The following ABL2 variants were observed in gnomAD, a reference collection of about 807,000 sequenced individuals.
The protein encoded by ABL2 is ABL proto-oncogene 2, non-receptor tyrosine kinase.
Under a neutral mutation model 107.7 loss-of-function variants are expected in ABL2, and 49 were observed. The observed-to-expected ratio is 0.45, with a 90% CI of 0.36 to 0.58. The LOEUF is 0.58. ABL2 is among the 20% of genes least tolerant of loss of function. The pLI is 0.00. For missense variants in ABL2, 1,245 were observed against 1,457.0 expected, an observed-to-expected ratio of 0.85 and a Z score of 2.37; for synonymous variants, 549 against 548.6, an observed-to-expected ratio of 1.00 and a Z score of -0.01.
At chr1:179,111,624 A>T (rs899434626) in intron 10 of ABL2, among the ~76,000 whole-genome samples, 3 of 152,046 alleles carry the variant, frequency 2.0e-5, no homozygotes, top group Non-Finnish European at 4.4e-5. Context: ...TAGGCTGTGG[A>T]TTGGTATCTC....
chr1:179,213,220 AT>A (rs1662384393), intron 1 of ABL2, among the ~76,000 whole-genome samples: 1 of 151,878 alleles, frequency 6.6e-6, no homozygotes, highest in East Asian at 1.9e-4. Context: ...CTTTATATTC[AT>A]TTTTTCCATA....
In ABL2 at chr1:179,121,667, G is replaced by A. The variant is rs201235188; in HGVS notation, c.888C>T (p.Gly296=). ...CAACGTAAACCTCTCCATACTGACC[G>A]CCCCCAAGTTTGTGCTTCATGGTAA... ...TDITMKHKLG[G]GQYGEVYVGV... Residue 296 remains glycine, a synonymous_variant, in exon 5 of 12, where the codon GGC becomes GGT. Transcript: ENST00000502732. The A allele has an allele frequency of 5.0e-5, 81 of 1,613,984 alleles. No individual in the cohort carries two copies. The highest frequency in any genetic ancestry group is 6.7e-5 in the African/African-American group (5 of 74,900).
chr1:179,148,685 T>C (rs1382283454), intron 1 of ABL2, among the ~76,000 whole-genome samples: 3 of 151,992 alleles, frequency 2.0e-5, no homozygotes, highest in Admixed American at 6.6e-5. Context: ...ACAGATCACA[T>C]GGTCAGGAGT....
chr1:179,211,315 C>G (rs1250999156), intron 1 of ABL2, among the ~76,000 whole-genome samples: 1 of 151,956 alleles, frequency 6.6e-6, no homozygotes, highest in Non-Finnish European at 1.5e-5. Flanking sequence ...GCCCAGGAGT[C>G]TGAAATCTGC....
intron 1 of ABL2, among the ~76,000 whole-genome samples, chr1:179,151,494 T>C (rs1179909375): frequency 6.6e-6 from 1 of 152,218 alleles, no homozygotes; most frequent in Admixed American, 6.5e-5. Flanking sequence ...TTTATGTCTT[T>C]TTTTCTCAAG....
chr1:179,122,196 G>T (rs911128268), intron 4 of ABL2, among the ~76,000 whole-genome samples: 6 of 149,456 alleles, frequency 4.0e-5, no homozygotes, highest in African/African-American at 1.2e-4. Flanking sequence ...TTACAAGCAT[G>T]AGCCACCGCT....
chr1:179,195,967 T>C (rs904018546), intron 1 of ABL2, among the ~76,000 whole-genome samples: 1 of 152,190 alleles, frequency 6.6e-6, no homozygotes, highest in African/African-American at 2.4e-5. Flanking sequence ...ATGGTGGTCA[T>C]GTATGGTTAT....
At chr1:179,189,597 G>T (rs1217830619) in intron 1 of ABL2, among the ~76,000 whole-genome samples, 1 of 152,054 alleles carries the variant, frequency 6.6e-6, no homozygotes, top group African/African-American at 2.4e-5. Flanking sequence ...ATTCATAAAG[G>T]GTGACACAGC....
intron 2 of ABL2, among the ~76,000 whole-genome samples, chr1:179,132,958 A>G (rs1557939028): frequency 6.6e-6 from 1 of 151,632 alleles, no homozygotes; most frequent in Non-Finnish European, 1.5e-5. Context: ...TCCTAGGTTC[A>G]AGCAATTCTA....
In ABL2 at chr1:179,106,872, AC is replaced by A; in HGVS notation, c.*845del. On this transcript the variant is annotated 3_prime_UTR_variant, in exon 12 of 12. Coordinates refer to ENST00000502732, the MANE Select transcript of ABL2 (RefSeq NM_007314.4). ...AACACTGGTTAATGCTCTGAATGCT[AC>A]CAGGAATAAAGGAAGACAGCCTGCC... is the stretch of plus-strand genomic sequence containing the variant. 1 of 231,052 alleles carries A rather than the reference AC, an allele frequency of 4.3e-6. No homozygotes were observed. Among genetic ancestry groups the A allele is most frequent in the Non-Finnish European group, 8.6e-6 (1 of 116,700 alleles). The allele number at this position is 231,052 out of a possible 1,614,324, so 14.3% of individuals were successfully genotyped here.
chr1:179,197,414 G>A (rs927250526), intron 1 of ABL2, among the ~76,000 whole-genome samples: 3 of 152,030 alleles, frequency 2.0e-5, no homozygotes, highest in Non-Finnish European at 4.4e-5. Context: ...CTTCAAGGCT[G>A]TACAACTAAA....
At chr1:179,174,904 AAAAATAAAAT>A (rs1220621477) in intron 1 of ABL2, among the ~76,000 whole-genome samples, 27 of 132,084 alleles carry the variant, frequency 2.0e-4, no homozygotes, top group South Asian at 7.6e-4. Context: ...TCAAAAAAAA[AAAAATAAAAT>A]AAAAAAAATA....
At chr1:179,229,176 CACCCCGCCCCG>C in intron 1 of ABL2, 54 bp downstream of exon 1, 6 of 332,048 alleles carry the variant, frequency 1.8e-5, no homozygotes, top group Non-Finnish European at 3.0e-5. Context: ...GTCCGCCACC[CACCCCGCCCCG>C]ACCCCACCCC....
chr1:179,165,617 A>G (rs1557968317), intron 1 of ABL2, among the ~76,000 whole-genome samples: 3 of 152,152 alleles, frequency 2.0e-5, no homozygotes, highest in Non-Finnish European at 4.4e-5. Context: ...AGCCATTAAC[A>G]TAACAGTAAC....
Position 179,108,280 on chromosome 1 carries a change from G to A in ABL2, c.2987C>T (p.Pro996Leu), listed in dbSNP as rs28913890. The change falls in exon 12 of 12, where the codon CCG becomes CTG. Residue 996 changes from proline (P) to leucine (L), a missense_variant. By Grantham distance (98) the Pro-to-Leu change is moderately conservative. Transcript: ENST00000502732. ...TTCTGTAGGGTCTGAGCAGATGGAC[G>A]GATGCTGCAGTAGTCTCATCACTGG... is the stretch of plus-strand genomic sequence containing the variant. The part of the protein sequence containing the change: ...PPPVMRLLQH[P>L]SICSDPTEEP... 1.1e-5 allele frequency: 17 copies of A among 1,614,006 alleles called. No homozygotes were observed. Among genetic ancestry groups the A allele is most frequent in the South Asian group, 5.5e-5 (5 of 91,078 alleles).
At chr1:179,138,023 C>T (rs1248576281) in intron 1 of ABL2, 1 of 152,298 alleles carries the variant, frequency 6.6e-6, no homozygotes, top group Non-Finnish European at 1.5e-5. Context: ...ACAGCCCAAG[C>T]TCTCAGGATG....
intron 1 of ABL2, among the ~76,000 whole-genome samples, chr1:179,199,231 G>C (rs1661512943): frequency 6.6e-6 from 1 of 152,116 alleles, no homozygotes; most frequent in African/African-American, 2.4e-5. Flanking sequence ...CTAACACACA[G>C]GTGTCAATAA....
intron 11 of ABL2, among the ~76,000 whole-genome samples, chr1:179,110,056 G>C (rs962721914): frequency 6.6e-6 from 1 of 152,176 alleles, no homozygotes; most frequent in South Asian, 2.1e-4. Flanking sequence ...AGTTTTTGAT[G>C]GAACTGTAAA....
Position 179,222,330 on chromosome 1 carries a change from A to G in ABL2, c.157+6911T>C, listed in dbSNP as rs142534328. On this transcript the variant is annotated intron_variant, in intron 1 of 11. Transcript: ENST00000502732. ...CTGCAACCTCCGCCTCCTAGGTTCA[A>G]GTGATTCTACAGCCTCAGCCTCCTG... 2.3e-3 allele frequency among the ~76,000 whole-genome samples: 350 copies of G among 152,114 alleles called. 1 individual carries two copies. Among genetic ancestry groups the G allele is most frequent in the African/African-American group, 7.6e-3 (317 of 41,482 alleles).
Sources: allele counts gnomAD v4.1 joint callset (sites outside exome capture counted in the v4.1 genomes callset), GRCh38; gene constraint gnomAD v4.1.1; transcripts MANE v1.5; gene names NCBI Gene and HGNC (gene_info 2026-07-23, HGNC 2026-07-21).